RAB27A: variants seen among roughly 807,000 people sequenced by gnomAD.
RAB27A encodes the protein RAB27A, member RAS oncogene family.
RAB27A carries 17 observed loss-of-function variants against 20.8 expected under a neutral mutation model. The ratio of observed to expected loss-of-function variants is 0.82; its 90% CI spans 0.56 to 1.23. The LOEUF (loss-of-function observed/expected upper bound fraction) is 1.23, where lower values mean the gene tolerates loss of function less well. RAB27A is among the 50% of genes most tolerant of loss of function. The pLI is 0.00. For missense variants in RAB27A, 277 were observed against 266.7 expected (o/e 1.04, Z -0.27); for synonymous variants, 85 against 92.8 (o/e 0.92, Z 0.48).
In RAB27A at chr15:55,241,626, G is replaced by GTA. The variant is rs1353888326; in HGVS notation, c.-22-6671_-22-6670insTA. 2.4e-3 allele frequency among the ~76,000 whole-genome samples: 258 copies of GTA among 107,042 alleles called. 11 individuals carry two copies. The highest frequency in any genetic ancestry group is 0.015 in the African/African-American group (243 of 16,662). 70.2% of individuals were successfully genotyped at this position (107,042 alleles called of 152,430 possible). A position where few individuals can be genotyped will look rare whatever the true frequency, so the allele number is the denominator to read the frequency against. On this transcript the variant is annotated intron_variant, in intron 2 of 6. Transcript: ENST00000336787. ...TATATATATATATATATATATATAT[G>GTA]TGTGTATATATATTTGTTTTTTTTT...
At chr15:55,221,039 G>A (rs1017655247) in intron 6 of RAB27A, among the ~76,000 whole-genome samples, 4 of 152,016 alleles carry the variant, frequency 2.6e-5, no homozygotes, top group East Asian at 1.9e-4. Context: ...CATAACCATC[G>A]TGACCTGGGC....
chr15:55,309,826 A>G (rs1783287722), intron 2 of RAB27A, among the ~76,000 whole-genome samples: 1 of 152,032 alleles, frequency 6.6e-6, no homozygotes, highest in South Asian at 2.1e-4. Context: ...CTAAAATTGT[A>G]GTATTGCAGG....
At chr15:55,211,030 CCT>C (rs768282959) in intron 6 of RAB27A, among the ~76,000 whole-genome samples, 2 of 152,028 alleles carry the variant, frequency 1.3e-5, no homozygotes, top group Non-Finnish European at 2.9e-5. Flanking sequence ...TGTCCTTTCC[CCT>C]CTGTTCTTGG....
At chr15:55,253,122 A>G (rs1896954131) in intron 2 of RAB27A, among the ~76,000 whole-genome samples, 1 of 142,642 alleles carries the variant, frequency 7.0e-6, no homozygotes, top group Non-Finnish European at 1.5e-5. Flanking sequence ...ACAGAGCAAG[A>G]CTCTGTCTCT....
chr15:55,263,042 T>C (rs891158740), intron 2 of RAB27A, among the ~76,000 whole-genome samples: 2 of 152,208 alleles, frequency 1.3e-5, no homozygotes, highest in African/African-American at 2.4e-5. Flanking sequence ...GCTACTTTTT[T>C]CCCTTAATCT....
intron 3 of RAB27A, 132 bp downstream of exon 3, chr15:55,234,649 TA>T (rs1896178452): frequency 1.0e-6 from 1 of 978,374 alleles, no homozygotes; most frequent in African/African-American, 1.6e-5. Context: ...GGATTGAACA[TA>T]ACTCACTTTC....
At chr15:55,244,209 C>T (rs578178323) in intron 2 of RAB27A, among the ~76,000 whole-genome samples, 25 of 151,962 alleles carry the variant, frequency 1.6e-4, no homozygotes, top group African/African-American at 5.8e-4. Context: ...AGCTACTCAG[C>T]GGGGTTGAGG....
intron 2 of RAB27A, among the ~76,000 whole-genome samples, chr15:55,249,472 G>A (rs1287507976): frequency 1.3e-5 from 2 of 152,146 alleles, no homozygotes; most frequent in African/African-American, 2.4e-5. Context: ...AAGACAAGGT[G>A]TCACTATGTT....
chr15:55,316,400 G>T (rs763775526), intron 1 of RAB27A, among the ~76,000 whole-genome samples: 86 of 128,206 alleles, frequency 6.7e-4, no homozygotes, highest in Admixed American at 1.9e-3. Flanking sequence ...CACAGGGAGG[G>T]GAACATCACA....
rs998047728 is a variant in RAB27A at position 55,234,842 on chromosome 15, A to C, written c.93T>G (p.Asp31Glu). ...TGATAAATTTGGAGTTAAATTTACC[A>C]TCTGTATATTGGTAAAGTACACTGG... ...GKTSVLYQYTDGKFNSKFITT... is the reference protein window; with the variant it reads ...GKTSVLYQYTEGKFNSKFITT... The change falls in exon 3 of 7, where the codon GAT (aspartate) becomes GAG (glutamate). Residue 31 changes from aspartate (D) to glutamate (E), a missense_variant. Physicochemically the swap from Asp to Glu is conservative, Grantham distance 45. Transcript: ENST00000336787. 2 of 1,612,356 alleles carry C rather than the reference A, an allele frequency of 1.2e-6. No homozygotes were observed. The highest frequency in any genetic ancestry group is 1.7e-6 in the Non-Finnish European group (2 of 1,178,680).
chr15:55,252,685 C>CAGAT (rs201314932), intron 2 of RAB27A, among the ~76,000 whole-genome samples: 11 of 150,966 alleles, frequency 7.3e-5, no homozygotes, highest in Non-Finnish European at 1.3e-4. Flanking sequence ...GACAGACAGA[C>CAGAT]AGATAGATAC....
chr15:55,274,807 T>TATATATATATATAC, intron 1 of RAB27A, among the ~76,000 whole-genome samples: 1 of 130,712 alleles, frequency 7.7e-6, no homozygotes, highest in Non-Finnish European at 1.7e-5. Flanking sequence ...TATATATATA[T>TATATATATATATAC]ATATATATAT....
chr15:55,263,225 G>A (rs1897338786), intron 2 of RAB27A, among the ~76,000 whole-genome samples: 1 of 152,106 alleles, frequency 6.6e-6, no homozygotes, highest in Non-Finnish European at 1.5e-5. Flanking sequence ...GTAGGGGAGA[G>A]CAAAGGGAGG....
chr15:55,275,670 AG>A (rs1210986304), intron 1 of RAB27A, among the ~76,000 whole-genome samples: 1 of 152,006 alleles, frequency 6.6e-6, no homozygotes, highest in African/African-American at 2.4e-5. Flanking sequence ...AGGGAAAAAA[AG>A]GTAAATCTGA....
At chr15:55,273,221 A>G (rs982263494) in intron 1 of RAB27A, among the ~76,000 whole-genome samples, 6 of 152,052 alleles carry the variant, frequency 3.9e-5, no homozygotes, top group African/African-American at 1.4e-4. Context: ...AGCCTAGCCA[A>G]TGTGGTGAAA....
chr15:55,311,786 G>A (rs574561015), intron 2 of RAB27A, among the ~76,000 whole-genome samples: 2 of 152,236 alleles, frequency 1.3e-5, no homozygotes, highest in South Asian at 4.1e-4. Flanking sequence ...GAGTCCAGTT[G>A]GTCCCAATTC....
intron 1 of RAB27A, among the ~76,000 whole-genome samples, chr15:55,272,428 T>A (rs948300180): frequency 1.3e-5 from 2 of 152,056 alleles, no homozygotes; most frequent in Non-Finnish European, 2.9e-5. Context: ...AAAAAAATCC[T>A]GTAGGGGGCT....
At chr15:55,284,076 T>A (rs1898087092) in intron 1 of RAB27A, among the ~76,000 whole-genome samples, 2 of 152,132 alleles carry the variant, frequency 1.3e-5, no homozygotes, top group Admixed American at 6.5e-5. Flanking sequence ...AATTAACCAA[T>A]GAAACTATGA....
At chr15:55,211,958 CTTT>C (rs539618132) in intron 6 of RAB27A, among the ~76,000 whole-genome samples, 33 of 124,342 alleles carry the variant, frequency 2.7e-4, no homozygotes, top group Non-Finnish European at 4.0e-4. Flanking sequence ...GGACTATAAC[CTTT>C]TTTTTTTTTT....
Sources: gnomAD v4.1 joint callset for allele counts (sites outside exome capture counted in the v4.1 genomes callset) on GRCh38, gnomAD v4.1.1 for gene constraint, MANE v1.5 for transcripts, NCBI Gene and HGNC (gene_info 2026-07-23, HGNC 2026-07-21) for gene names.